The following TNKS variants were observed in gnomAD, a reference collection of about 807,000 sequenced individuals.
The protein encoded by TNKS is poly [ADP-ribose] polymerase tankyrase-1.
Under a neutral mutation model 135.8 loss-of-function variants are expected in TNKS, and 72 were observed. The ratio of observed to expected loss-of-function variants is 0.53; its 90% CI spans 0.44 to 0.64. The LOEUF (loss-of-function observed/expected upper bound fraction) is 0.64. Among genes scored for constraint, TNKS ranks in the 30% least tolerant of loss-of-function variants. The pLI is 0.00. For synonymous variants in TNKS, 849 were observed against 649.3 expected, an observed-to-expected ratio of 1.31 and a Z score of -4.68; for missense variants, 1,769 against 1,674.0, an observed-to-expected ratio of 1.06 and a Z score of -0.99.
intron 8 of TNKS, 110 bp downstream of exon 8, chr8:9,707,107 C>G (rs1157514702): frequency 2.2e-6 from 2 of 895,678 alleles, no homozygotes; most frequent in Non-Finnish European, 3.2e-6. Flanking sequence ...CAGACTAATT[C>G]ATAATCCTCA....
chr8:9,606,647 T>A (rs1458444839), intron 2 of TNKS, among the ~76,000 whole-genome samples: 1 of 152,128 alleles, frequency 6.6e-6, no homozygotes, highest in Non-Finnish European at 1.5e-5. Flanking sequence ...TGCTTTGAGG[T>A]CTTTGCTAAC....
In TNKS at chr8:9,690,903, T is replaced by C. The variant is rs144685399; in HGVS notation, c.1107+10103T>C. On this transcript the variant is annotated intron_variant, in intron 5 of 26. Transcript: ENST00000310430. ...GTTCATGTAATCTATCTAGGATTCA[T>C]AGAATCTTACTTGGATGGGGACTTA... 4.9e-3 allele frequency among the ~76,000 whole-genome samples: 747 copies of C among 152,298 alleles called. 4 individuals carry two copies. Among genetic ancestry groups the C allele is most frequent in the East Asian group, 6.9e-3 (36 of 5,182 alleles).
rs780536470 is a variant in TNKS, at chr8:9,752,546, G to C, written c.3073G>C (p.Ala1025Pro). 21 of 1,609,248 alleles carry C rather than the reference G, an allele frequency of 1.3e-5. No individual in the cohort carries two copies. The South Asian group carries it at 2.1e-4, about 16-fold the overall frequency. ...AGTERKEGEV[A>P]GLDMNISQFL... is the part of the protein sequence containing the mutation. ...TCTTTAATATGTTTCTGTTTTAGTT[G>C]CTGGTCTTGACATGAATATCAGCCA... Residue 1025 changes from alanine (A) to proline (P), a missense_variant and splice_region_variant, in exon 20 of 27, where the codon GCT (alanine) becomes CCT (proline). Transcript: ENST00000310430.
chr8:9,769,250 T>C (rs1807652984), intron 25 of TNKS, among the ~76,000 whole-genome samples: 2 of 152,220 alleles, frequency 1.3e-5, no homozygotes, highest in Admixed American at 1.3e-4. Context: ...GCAGGCTGGA[T>C]TGAGCCATGG....
At chr8:9,704,567 T>G in intron 5 of TNKS, 96 bp from the exon 6 acceptor site, 1 of 987,978 alleles carries the variant, frequency 1.0e-6, no homozygotes, top group Non-Finnish European at 1.6e-6. Context: ...AGTATTTTTG[T>G]GTCAACTTTC....
chr8:9,695,464 A>G (rs1449095290), intron 5 of TNKS, among the ~76,000 whole-genome samples: 1 of 152,114 alleles, frequency 6.6e-6, no homozygotes, highest in Non-Finnish European at 1.5e-5. Context: ...GAAAAGGTGA[A>G]GTTGGAAAGT....
chr8:9,580,236 A>T lies in TNKS; in HGVS notation c.751A>T (p.Ile251Phe). The change falls in exon 2 of 27, where the codon ATC (isoleucine) becomes TTC (phenylalanine). Residue 251 changes from isoleucine to phenylalanine, a missense_variant. Transcript: ENST00000310430. ...NVHARDDGGL[I>F]PLHNACSFGH... ...CCACGCTCGTGATGATGGAGGTCTC[A>T]TCCCGCTTCATAATGCCTGTTCTTT... 6.2e-7 allele frequency: 1 copy of T among 1,614,070 alleles called. No homozygotes were observed. Among genetic ancestry groups the T allele is most frequent in the Non-Finnish European group, 8.5e-7 (1 of 1,179,932 alleles).
intron 20 of TNKS, among the ~76,000 whole-genome samples, chr8:9,759,427 G>C (rs1807025865): frequency 1.3e-5 from 2 of 152,352 alleles, no homozygotes; most frequent in South Asian, 4.1e-4. Context: ...GGAGGTAGGA[G>C]AGCACTTTCC....
Position 9,763,141 on chromosome 8 carries a change from C to T in TNKS, c.3275-6C>T, listed in dbSNP as rs756152870. 13 of 1,548,452 alleles carry T rather than the reference C, an allele frequency of 8.4e-6. No individual in the cohort carries two copies. Among genetic ancestry groups the T allele is most frequent in the South Asian group, 7.5e-5 (6 of 80,140 alleles). ...TGTTTTATATGTTAATTTTTCTCTC[C>T]GACAGGCACCAATCCTTATTTGACT... is the stretch of plus-strand genomic sequence containing the variant. On this transcript the variant is annotated splice_region_variant and splice_polypyrimidine_tract_variant and intron_variant, in intron 21 of 26. Coordinates refer to ENST00000310430, the MANE Select transcript of TNKS (RefSeq NM_003747.3).
In TNKS at chr8:9,776,922, G is replaced by A. The variant is rs1343842294; in HGVS notation, c.*186G>A. On this transcript the variant is annotated 3_prime_UTR_variant, in exon 27 of 27. Transcript: ENST00000310430. The stretch of plus-strand genomic sequence containing the variant: ...AACTGATACATACTCAACTGCTACT[G>A]TTCCCTTTGAGGAAATGTTTACAGG... The A allele has an allele frequency of 1.5e-5, 8 of 540,846 alleles. No homozygotes were observed. Among genetic ancestry groups the A allele is most frequent in the Non-Finnish European group, 2.2e-5 (7 of 311,838 alleles). The allele number at this position is 540,846 out of a possible 1,614,324, so 33.5% of individuals were successfully genotyped here. A position where few individuals can be genotyped will look rare whatever the true frequency, so the allele number is the denominator to read the frequency against.
At chr8:9,726,103 A>T (rs1805146119) in intron 12 of TNKS, among the ~76,000 whole-genome samples, 1 of 152,190 alleles carries the variant, frequency 6.6e-6, no homozygotes, top group Non-Finnish European at 1.5e-5. Flanking sequence ...CTAAAAGAAA[A>T]ATCAAGGCTG....
chr8:9,684,464 T>G (rs1470565767), intron 5 of TNKS, among the ~76,000 whole-genome samples: 1 of 152,114 alleles, frequency 6.6e-6, no homozygotes, highest in Non-Finnish European at 1.5e-5. Context: ...CTCTGTGTTA[T>G]TCTCCTTTTC....
chr8:9,624,105 C>T (rs970623482), intron 3 of TNKS, among the ~76,000 whole-genome samples: 6 of 152,136 alleles, frequency 3.9e-5, no homozygotes, highest in African/African-American at 1.4e-4. Flanking sequence ...TCCAATGAAT[C>T]TTTTTGTGTA....
chr8:9,574,079 A>G (rs886914316), intron 1 of TNKS, among the ~76,000 whole-genome samples: 1 of 152,220 alleles, frequency 6.6e-6, no homozygotes, highest in East Asian at 1.9e-4. Flanking sequence ...TGTTAAGTAT[A>G]TTGGGGTTAG....
intron 13 of TNKS, among the ~76,000 whole-genome samples, chr8:9,728,021 C>T: frequency 6.6e-6 from 1 of 152,186 alleles, no homozygotes; most frequent in East Asian, 1.9e-4. Flanking sequence ...ATGATCATCT[C>T]AGTGCTTGAA....
chr8:9,577,588 C>G (rs1269764676), intron 1 of TNKS, among the ~76,000 whole-genome samples: 1 of 152,094 alleles, frequency 6.6e-6, no homozygotes, highest in African/African-American at 2.4e-5. Context: ...ACAACCAGAT[C>G]TTGTGAGAAC....
chr8:9,726,535 G>T, intron 12 of TNKS, 106 bp from the exon 13 acceptor site: 2 of 725,816 alleles, frequency 2.8e-6, no homozygotes, highest in Non-Finnish European at 4.4e-6. Context: ...TTTTCCTCCT[G>T]AACTACTTTG....
At chr8:9,727,625 C>T (rs1805229098) in intron 13 of TNKS, among the ~76,000 whole-genome samples, 2 of 152,168 alleles carry the variant, frequency 1.3e-5, no homozygotes, top group Non-Finnish European at 2.9e-5. Context: ...TTGCTATTGA[C>T]ACTCAGTACT....
intron 9 of TNKS, among the ~76,000 whole-genome samples, chr8:9,709,421 G>A (rs182246374): frequency 6.6e-6 from 1 of 152,162 alleles, no homozygotes; most frequent in East Asian, 1.9e-4. Context: ...TTAAAATGAA[G>A]CAGAATAAAA....
Sources: allele counts gnomAD v4.1 joint callset (sites outside exome capture counted in the v4.1 genomes callset), GRCh38; gene constraint gnomAD v4.1.1; transcripts MANE v1.5; gene names NCBI Gene and HGNC (gene_info 2026-07-23, HGNC 2026-07-21).